Variants in TGFA observed in about 807,000 individuals in gnomAD.
TGFA encodes the protein transforming growth factor alpha.
In TGFA, 12 loss-of-function variants were observed where a neutral mutation model predicts 21.7. That is an observed-to-expected ratio of 0.55 (90% CI 0.35 to 0.90). TGFA has a LOEUF of 0.90. TGFA is among the 40% of genes least tolerant of loss of function. The pLI is 0.01. For synonymous variants in TGFA, 79 were observed against 88.1 expected (o/e 0.90, Z 0.58); for missense variants, 178 against 210.8 (o/e 0.84, Z 0.96).
At chr2:70,553,403 A>G (rs1368881760) in intron 1 of TGFA, 7 of 1,443,238 alleles carry the variant, frequency 4.9e-6, no homozygotes, top group Admixed American at 2.8e-5. Flanking sequence ...GTAAGCAGGT[A>G]GGTGTAGGCA....
intron 2 of TGFA, among the ~76,000 whole-genome samples, chr2:70,488,632 AT>A (rs1276339212): frequency 2.1e-4 from 32 of 152,116 alleles, no homozygotes; most frequent in African/African-American, 7.7e-4. Flanking sequence ...CCTACCCCTC[AT>A]TTTTTTGAAA....
chr2:70,518,411 G>A (rs1672352588), intron 1 of TGFA, among the ~76,000 whole-genome samples: 1 of 152,190 alleles, frequency 6.6e-6, no homozygotes, highest in Non-Finnish European at 1.5e-5. Context: ...CTGCCCTTAG[G>A]AAGGACAAGT....
At chr2:70,487,874 T>C (rs529758142) in intron 2 of TGFA, among the ~76,000 whole-genome samples, 1 of 152,336 alleles carries the variant, frequency 6.6e-6, no homozygotes, top group East Asian at 1.9e-4. Flanking sequence ...GGAATGCTCC[T>C]TTTTCTGAGA....
chr2:70,539,527 ACACTG>A (rs1350212227), intron 1 of TGFA, among the ~76,000 whole-genome samples: 1 of 152,174 alleles, frequency 6.6e-6, no homozygotes, highest in Non-Finnish European at 1.5e-5. Flanking sequence ...CAATCTCAGC[ACACTG>A]CAACCTCCGC....
At chr2:70,476,239 C>T (rs566947063) in intron 2 of TGFA, among the ~76,000 whole-genome samples, 1 of 152,268 alleles carries the variant, frequency 6.6e-6, no homozygotes, top group South Asian at 2.1e-4. Context: ...AACCAGAAAG[C>T]CCCTTATTGT....
chr2:70,468,445 T>G (rs1553492666), intron 2 of TGFA: 7 of 152,226 alleles, frequency 4.6e-5, no homozygotes. Context: ...GATGCTGAAT[T>G]GAGACAGGAA....
Position 70,553,787 on chromosome 2 carries a change from C to T in TGFA, c.-20G>A, listed in dbSNP as rs782112490. The stretch of plus-strand genomic sequence containing the variant: ...GACCATTTTACGGGCGGGCGGGCAG[C>T]AGGCTCTCCAGCCTCCTGCCCTACC... On this transcript the variant is annotated 5_prime_UTR_variant, in exon 1 of 6. Transcript: ENST00000295400. 1 of 1,271,622 alleles carries T rather than the reference C, an allele frequency of 7.9e-7. No homozygotes were observed. The highest frequency in any genetic ancestry group is 1.0e-6 in the Non-Finnish European group (1 of 1,001,856). 78.8% of individuals were successfully genotyped at this position (1,271,622 alleles called of 1,614,324 possible). A position where few individuals can be genotyped will look rare whatever the true frequency, so the allele number is the denominator to read the frequency against.
chr2:70,456,540 C>A (rs1670235811), intron 3 of TGFA, 52 bp from the exon 4 acceptor site: 3 of 1,543,134 alleles, frequency 1.9e-6, no homozygotes. Context: ...GTCTTGTTAC[C>A]CTAGCTCTCC....
At chr2:70,511,261 A>G (rs1186939851) in intron 2 of TGFA, among the ~76,000 whole-genome samples, 1 of 152,194 alleles carries the variant, frequency 6.6e-6, no homozygotes, top group Non-Finnish European at 1.5e-5. Flanking sequence ...AAGTCCTTAT[A>G]GCTTTTGTTC....
chr2:70,506,358 C>A (rs1485247231), intron 2 of TGFA, among the ~76,000 whole-genome samples: 4 of 152,154 alleles, frequency 2.6e-5, no homozygotes. Context: ...CCTACAAGGG[C>A]AGTACATTCA....
chr2:70,484,146 C>T (rs556338835), intron 2 of TGFA, among the ~76,000 whole-genome samples: 1 of 152,330 alleles, frequency 6.6e-6, no homozygotes, highest in East Asian at 1.9e-4. Context: ...ATATAGATAT[C>T]AACCTGTTAT....
intron 1 of TGFA, among the ~76,000 whole-genome samples, chr2:70,546,470 C>T (rs1673307239): frequency 6.6e-6 from 1 of 151,958 alleles, no homozygotes; most frequent in Non-Finnish European, 1.5e-5. Context: ...CTCTCTCCAT[C>T]CCAATGAAAA....
At chr2:70,525,210 C>T (rs1553502819) in intron 1 of TGFA, among the ~76,000 whole-genome samples, 1 of 152,192 alleles carries the variant, frequency 6.6e-6, no homozygotes, top group East Asian at 1.9e-4. Flanking sequence ...CACCCTGGTG[C>T]ACAACACCCT....
chr2:70,500,994 G>T (rs1233945734), intron 2 of TGFA, among the ~76,000 whole-genome samples: 2 of 150,498 alleles, frequency 1.3e-5, no homozygotes, highest in African/African-American at 4.9e-5. Flanking sequence ...AAATTGCAGA[G>T]ACTGATGTTA....
intron 1 of TGFA, among the ~76,000 whole-genome samples, chr2:70,547,446 T>C (rs1026749774): frequency 6.0e-5 from 9 of 150,822 alleles, no homozygotes; most frequent in Admixed American, 6.0e-4. Context: ...ACACAAAAAT[T>C]AGCTGGAAAT....
intron 2 of TGFA, among the ~76,000 whole-genome samples, chr2:70,497,371 A>G (rs1671607636): frequency 1.3e-5 from 2 of 152,248 alleles, no homozygotes; most frequent in African/African-American, 4.8e-5. Flanking sequence ...TATGACATAG[A>G]TCTTAACTTA....
chr2:70,523,435 G>A (rs1672538259), intron 1 of TGFA, among the ~76,000 whole-genome samples: 1 of 152,186 alleles, frequency 6.6e-6, no homozygotes, highest in African/African-American at 2.4e-5. Context: ...CTGTATCTCT[G>A]ATGCTCCCTA....
At chr2:70,501,375 C>T (rs1295103491) in intron 2 of TGFA, among the ~76,000 whole-genome samples, 1 of 151,782 alleles carries the variant, frequency 6.6e-6, no homozygotes, top group African/African-American at 2.4e-5. Flanking sequence ...TTAATTCAGG[C>T]AATGGTTTGC....
intron 2 of TGFA, among the ~76,000 whole-genome samples, chr2:70,506,111 C>T (rs772822547): frequency 1.3e-5 from 2 of 152,142 alleles, no homozygotes; most frequent in East Asian, 1.9e-4. Context: ...AGAAAGCCAC[C>T]GTGTTCATCA....
Sources: gnomAD v4.1 joint callset for allele counts (sites outside exome capture counted in the v4.1 genomes callset) on GRCh38, gnomAD v4.1.1 for gene constraint, MANE v1.5 for transcripts, NCBI Gene and HGNC (gene_info 2026-07-23, HGNC 2026-07-21) for gene names.